COL13A1: variants seen among roughly 807,000 people sequenced by gnomAD.
COL13A1 encodes the protein collagen type XIII alpha 1 chain.
COL13A1 carries 89 observed loss-of-function variants against 130.9 expected under a neutral mutation model. The ratio of observed to expected loss-of-function variants is 0.68; its 90% CI spans 0.57 to 0.81. COL13A1 has a LOEUF of 0.81. Ranked by LOEUF, COL13A1 falls within the 30% of genes least tolerant of loss-of-function variation. COL13A1 has a pLI of 0.00. For synonymous variants in COL13A1, 402 were observed against 341.6 expected (o/e 1.18, Z -1.95); for missense variants, 879 against 934.6 (o/e 0.94, Z 0.78).
At chr10:69,888,161 C>T (rs2060785616) in intron 8 of COL13A1, 143 bp from the exon 9 acceptor site, 4 of 859,324 alleles carry the variant, frequency 4.7e-6, no homozygotes. Flanking sequence ...CCCATAGTCA[C>T]ATTAACAAGT....
intron 24 of COL13A1, among the ~76,000 whole-genome samples, chr10:69,924,263 T>TCA (rs1326406752): frequency 6.6e-6 from 1 of 151,980 alleles, no homozygotes; most frequent in Non-Finnish European, 1.5e-5. Context: ...TCATCAGGAG[T>TCA]CACACCAAAG....
At chr10:69,877,874 G>A (rs531819840) in intron 5 of COL13A1, among the ~76,000 whole-genome samples, 165 bp from the exon 6 acceptor site, 17 of 152,256 alleles carry the variant, frequency 1.1e-4, no homozygotes, top group African/African-American at 3.9e-4. Flanking sequence ...CCTGCCATGT[G>A]TCGACATCTG....
In COL13A1 at chr10:69,805,246, C is replaced by T. The variant is rs527261807; in HGVS notation, c.294+2529C>T. Among the ~76,000 whole-genome samples the T allele has an allele frequency of 4.9e-4, 74 of 152,218 alleles. No homozygotes were observed. In the South Asian group the frequency reaches 9.1e-3, roughly 19 times the overall value. ...GTTATGCCCCTAGAGTGAGTGCTTA[C>T]GGCTGGCAAAGCAGTAAGGCCAAAA... is the stretch of plus-strand genomic sequence containing the variant. On this transcript the variant is annotated intron_variant, in intron 1 of 40. Transcript: ENST00000645393.
intron 3 of COL13A1, 33 bp downstream of exon 3, chr10:69,867,838 GA>G (rs1420944611): frequency 1.4e-6 from 1 of 718,348 alleles, no homozygotes; most frequent in South Asian, 1.5e-5. Flanking sequence ...TCGTGCATCT[GA>G]AAGGCCTGTG....
At chr10:69,853,856 G>A (rs1855672788) in intron 2 of COL13A1, among the ~76,000 whole-genome samples, 1 of 152,214 alleles carries the variant, frequency 6.6e-6, no homozygotes, top group Admixed American at 6.5e-5. Context: ...TATGCGTGTG[G>A]ACGAGGATCA....
chr10:69,930,279 GTC>G, intron 29 of COL13A1, 119 bp from the exon 30 acceptor site: 9 of 1,122,594 alleles, frequency 8.0e-6, no homozygotes, highest in Non-Finnish European at 7.5e-6. Context: ...AGGCTGGGCT[GTC>G]TCTGCCTGCC....
At chr10:69,958,604 AC>A (rs1206261838) in intron 40 of COL13A1, 94 bp from the exon 41 acceptor site, 1 of 1,598,060 alleles carries the variant, frequency 6.3e-7, no homozygotes, top group African/African-American at 1.3e-5. Flanking sequence ...CTCCCATCCA[AC>A]CCAGGACAAG....
At chr10:69,939,660 C>T (rs1565130423) in intron 34 of COL13A1, among the ~76,000 whole-genome samples, 1 of 152,246 alleles carries the variant, frequency 6.6e-6, no homozygotes, top group East Asian at 1.9e-4. Flanking sequence ...ACTGGAATCC[C>T]CTGAGAGCTT....
chr10:69,868,389 T>C (rs2058740220), intron 3 of COL13A1, among the ~76,000 whole-genome samples: 2 of 152,140 alleles, frequency 1.3e-5, no homozygotes, highest in Non-Finnish European at 1.5e-5. Flanking sequence ...ATAGGCATCA[T>C]GCCGCACTCC....
chr10:69,815,898 T>C (rs1242869692), intron 1 of COL13A1, among the ~76,000 whole-genome samples: 1 of 135,016 alleles, frequency 7.4e-6, no homozygotes, highest in African/African-American at 2.8e-5. Context: ...AAAAAAAAAA[T>C]CCTAAGGAGG....
intron 38 of COL13A1, among the ~76,000 whole-genome samples, chr10:69,950,827 A>G (rs3793814): frequency 0.44 from 67,125 of 152,058 alleles, 15,124 homozygotes; most frequent in Middle Eastern, 0.54. Context: ...AAGATCTGGA[A>G]GAACATCAAA....
intron 1 of COL13A1, among the ~76,000 whole-genome samples, chr10:69,815,133 G>A (rs566696322): frequency 2.0e-5 from 3 of 152,278 alleles, no homozygotes; most frequent in African/African-American, 7.2e-5. Flanking sequence ...GACGTGCCAG[G>A]CTCAAGGTCA....
intron 27 of COL13A1, among the ~76,000 whole-genome samples, chr10:69,927,565 A>C (rs974907417): frequency 6.6e-6 from 1 of 152,322 alleles, no homozygotes; most frequent in South Asian, 2.1e-4. Flanking sequence ...AAAACCAGGG[A>C]ATTTCAAGTC....
chr10:69,951,015 A>AT (rs1221617609), intron 38 of COL13A1, among the ~76,000 whole-genome samples: 4 of 152,046 alleles, frequency 2.6e-5, no homozygotes, highest in African/African-American at 9.7e-5. Flanking sequence ...CACCAGGCTA[A>AT]TTTTTGTATT....
intron 2 of COL13A1, among the ~76,000 whole-genome samples, chr10:69,832,344 G>C (rs189419169): frequency 2.6e-4 from 39 of 152,338 alleles, no homozygotes; most frequent in African/African-American, 9.4e-4. Context: ...TGGAATCCCA[G>C]CTCTCTGTCT....
chr10:69,855,036 G>A (rs1205413021), intron 2 of COL13A1, among the ~76,000 whole-genome samples: 1 of 152,212 alleles, frequency 6.6e-6, no homozygotes, highest in African/African-American at 2.4e-5. Context: ...TAGCTCCACC[G>A]TTTACTTGTG....
At chr10:69,869,193 T>C (rs60513246) in intron 3 of COL13A1, among the ~76,000 whole-genome samples, 3,919 of 152,286 alleles carry the variant, frequency 0.026, 185 homozygotes, top group African/African-American at 0.09. Flanking sequence ...CCAGACCCCT[T>C]TGGGTCTGTG....
intron 7 of COL13A1, among the ~76,000 whole-genome samples, chr10:69,884,880 T>C (rs919994627): frequency 6.6e-6 from 1 of 152,172 alleles, no homozygotes; most frequent in Non-Finnish European, 1.5e-5. Context: ...GCCAAATGCA[T>C]GTGTCAATCT....
intron 17 of COL13A1, among the ~76,000 whole-genome samples, chr10:69,916,785 G>A (rs2063969615): frequency 6.6e-6 from 1 of 152,148 alleles, no homozygotes; most frequent in Non-Finnish European, 1.5e-5. Context: ...GGACTTGGAA[G>A]GGAAAGGAAC....
Sources: gnomAD v4.1 joint callset for allele counts (sites outside exome capture counted in the v4.1 genomes callset) on GRCh38, gnomAD v4.1.1 for gene constraint, MANE v1.5 for transcripts, NCBI Gene and HGNC (gene_info 2026-07-23, HGNC 2026-07-21) for gene names.